DLGAP2: variants seen among roughly 807,000 people sequenced by gnomAD.
The protein encoded by DLGAP2 is disks large-associated protein 2.
Under a neutral mutation model 100.3 loss-of-function variants are expected in DLGAP2, and 26 were observed. The ratio of observed to expected loss-of-function variants is 0.26; its 90% CI spans 0.19 to 0.36. The LOEUF is 0.36. Among genes scored for constraint, DLGAP2 ranks in the 10% least tolerant of loss-of-function variants. DLGAP2 has a pLI of 1.00. For synonymous variants in DLGAP2, 886 were observed against 630.1 expected, an observed-to-expected ratio of 1.41 and a Z score of -6.08; for missense variants, 1,858 against 1,453.2, an observed-to-expected ratio of 1.28 and a Z score of -4.53.
intron 3 of DLGAP2, among the ~76,000 whole-genome samples, chr8:1,416,561 C>G (rs779885084): frequency 1.3e-5 from 2 of 152,226 alleles, no homozygotes; most frequent in African/African-American, 2.4e-5. Context: ...CAGAACCCCT[C>G]TGCCTCCACG....
At chr8:1,493,364 C>T (rs1015515712) in intron 3 of DLGAP2, among the ~76,000 whole-genome samples, 1 of 151,918 alleles carries the variant, frequency 6.6e-6, no homozygotes, top group African/African-American at 2.4e-5. Context: ...AGACATCTGC[C>T]TCCATCTCCG....
At chr8:1,550,861 A>G (rs1413485247) in intron 5 of DLGAP2, among the ~76,000 whole-genome samples, 1 of 152,086 alleles carries the variant, frequency 6.6e-6, no homozygotes, top group Non-Finnish European at 1.5e-5. Flanking sequence ...AAAACATAAC[A>G]TGTGTGTCCC....
chr8:1,571,255 G>T (rs1390072610), intron 6 of DLGAP2, among the ~76,000 whole-genome samples: 4 of 144,214 alleles, frequency 2.8e-5, no homozygotes, highest in African/African-American at 1.0e-4. Flanking sequence ...AAGAGAGAGG[G>T]GTGAACTGGA....
chr8:1,423,450 T>G (rs1392353655), intron 3 of DLGAP2, among the ~76,000 whole-genome samples: 1 of 152,208 alleles, frequency 6.6e-6, no homozygotes, highest in African/African-American at 2.4e-5. Context: ...CGAGGTCTGA[T>G]GACCACTGCC....
chr8:1,685,676 C>A (rs1799096275), intron 12 of DLGAP2, among the ~76,000 whole-genome samples: 1 of 151,688 alleles, frequency 6.6e-6, no homozygotes, highest in South Asian at 2.1e-4. Flanking sequence ...AAAATGTCTG[C>A]AAACTGCCCA....
At chr8:1,299,320 T>G (rs1800273628) in intron 3 of DLGAP2, among the ~76,000 whole-genome samples, 1 of 152,216 alleles carries the variant, frequency 6.6e-6, no homozygotes, top group African/African-American at 2.4e-5. Flanking sequence ...TCCCTGGATT[T>G]TCCAGTGGTG....
chr8:1,602,316 G>T (rs1375692062), intron 6 of DLGAP2, among the ~76,000 whole-genome samples: 1 of 152,118 alleles, frequency 6.6e-6, no homozygotes, highest in Non-Finnish European at 1.5e-5. Context: ...TCTAATTAAT[G>T]GTGTGCTCTG....
At chr8:1,330,173 C>G (rs1033315553) in intron 3 of DLGAP2, among the ~76,000 whole-genome samples, 1 of 151,744 alleles carries the variant, frequency 6.6e-6, no homozygotes, top group African/African-American at 2.4e-5. Context: ...AGGTGCTGGC[C>G]GTGGTGCTGA....
At chr8:1,039,636 C>G (rs77353245) in intron 2 of DLGAP2, among the ~76,000 whole-genome samples, 3 of 15,428 alleles carry the variant, frequency 1.9e-4, no homozygotes, top group South Asian at 3.7e-3. Flanking sequence ...GTGGTCAGCT[C>G]GGTGTGCGTG....
chr8:1,282,545 G>A (rs1424141118), intron 3 of DLGAP2, among the ~76,000 whole-genome samples: 2 of 119,532 alleles, frequency 1.7e-5, no homozygotes, highest in African/African-American at 6.5e-5. Flanking sequence ...TGAACCATCC[G>A]GACATGGTGT....
At chr8:1,107,143 G>T (rs1204778776) in intron 2 of DLGAP2, among the ~76,000 whole-genome samples, 2 of 152,278 alleles carry the variant, frequency 1.3e-5, no homozygotes, top group South Asian at 2.1e-4. Context: ...AAAATCAGTG[G>T]GGGTACTTAA....
intron 1 of DLGAP2, among the ~76,000 whole-genome samples, chr8:777,075 T>G (rs1821540566): frequency 6.6e-6 from 1 of 152,168 alleles, no homozygotes; most frequent in Non-Finnish European, 1.5e-5. Flanking sequence ...TAGCTCTTCT[T>G]GTTGAATTGA....
chr8:915,463 T>C (rs1170903598), intron 2 of DLGAP2, among the ~76,000 whole-genome samples: 4 of 151,768 alleles, frequency 2.6e-5, no homozygotes, highest in Non-Finnish European at 4.4e-5. Context: ...AGGAGAATGG[T>C]GTGAGCCCAG....
intron 3 of DLGAP2, among the ~76,000 whole-genome samples, chr8:1,452,884 G>C (rs758441328): frequency 2.0e-5 from 3 of 152,172 alleles, no homozygotes; most frequent in African/African-American, 7.2e-5. Flanking sequence ...TTTGTAAAAG[G>C]GGGGTGGCCA....
chr8:1,235,350 T>G (rs1489785390), intron 2 of DLGAP2, among the ~76,000 whole-genome samples: 2 of 151,650 alleles, frequency 1.3e-5, no homozygotes, highest in Non-Finnish European at 2.9e-5. Flanking sequence ...TCTAGTTATC[T>G]CACACGTGGC....
intron 6 of DLGAP2, among the ~76,000 whole-genome samples, chr8:1,588,224 G>C (rs1212549812): frequency 6.6e-6 from 1 of 152,030 alleles, no homozygotes; most frequent in Admixed American, 6.6e-5. Flanking sequence ...TTCATGCAAG[G>C]CTTTCTGTTC....
At chr8:1,131,430 T>C (rs1396999794) in intron 2 of DLGAP2, among the ~76,000 whole-genome samples, 1 of 152,148 alleles carries the variant, frequency 6.6e-6, no homozygotes, top group Non-Finnish European at 1.5e-5. Flanking sequence ...TCTGTGCTCA[T>C]GTAGGGGAGA....
intron 6 of DLGAP2, among the ~76,000 whole-genome samples, chr8:1,584,557 TGCAAC>T (rs1796055049): frequency 6.6e-6 from 1 of 152,198 alleles, no homozygotes; most frequent in Non-Finnish European, 1.5e-5. Flanking sequence ...CAGCCTGTGT[TGCAAC>T]CGTTGCCAGC....
intron 1 of DLGAP2, among the ~76,000 whole-genome samples, chr8:769,298 G>C (rs538970176): frequency 2.6e-5 from 4 of 152,162 alleles, no homozygotes; most frequent in African/African-American, 9.6e-5. Context: ...GTTCTCTTGA[G>C]TTTCCACTTG....
Sources: allele counts gnomAD v4.1 joint callset (sites outside exome capture counted in the v4.1 genomes callset), GRCh38; gene constraint gnomAD v4.1.1; transcripts MANE v1.5; gene names NCBI Gene and HGNC (gene_info 2026-07-23, HGNC 2026-07-21).